Variants in RAB33A observed in about 807,000 individuals in gnomAD.
RAB33A encodes ras-related protein Rab-33A.
A neutral mutation model predicts 12.0 loss-of-function variants in RAB33A; 6 were observed. The observed-to-expected ratio is 0.50, with a 90% confidence interval of 0.27 to 0.99. RAB33A has a LOEUF of 0.99. Ranked by LOEUF, RAB33A falls within the 50% of genes least tolerant of loss-of-function variation. The pLI is 0.11. For synonymous variants in RAB33A, 70 were observed against 82.4 expected (o/e 0.85, Z 0.81); for missense variants, 109 against 192.0 (o/e 0.57, Z 2.55).
intron 1 of RAB33A, among the ~76,000 whole-genome samples, chrX:130,174,780 C>G (rs1377374890): frequency 9.0e-6 from 1 of 110,915 alleles, no homozygotes; most frequent in African/African-American, 3.3e-5. Flanking sequence ...GCCTGTGTCC[C>G]GGGGTAGCAC....
At chrX:130,157,953 CA>C in the RAB33A span, among the ~76,000 whole-genome samples, 177 of 46,120 alleles carry the variant, frequency 3.8e-3, 2 homozygotes, top group South Asian at 0.049. Context: ...GACTCCGTCT[CA>C]AAAAAAAAAA....
the RAB33A span, among the ~76,000 whole-genome samples, chrX:130,144,648 T>C: frequency 8.9e-6 from 1 of 111,851 alleles, no homozygotes; most frequent in Admixed American, 9.5e-5. Flanking sequence ...ATGTCATCAC[T>C]CTACTGGGCA....
chrX:130,154,128 C>T, the RAB33A span, among the ~76,000 whole-genome samples: 2 of 112,355 alleles, frequency 1.8e-5, no homozygotes, highest in South Asian at 7.2e-4. Context: ...AACCTGGAAC[C>T]ACTTTATAAT....
chrX:130,182,139 CAAAAA>C lies in RAB33A; in HGVS notation c.259-2131_259-2127del, dbSNP rs1188540923. On this transcript the variant is annotated intron_variant, in intron 1 of 1. Coordinates refer to ENST00000257017, the MANE Select transcript of RAB33A (RefSeq NM_004794.3). ...GCAACATAACAAGATTCTGTCTCTA[CAAAAA>C]AAAAAAAAAAAAAATATATATATAT... Among the ~76,000 whole-genome samples the C allele has an allele frequency of 7.2e-4, 22 of 30,498 alleles. No homozygotes were observed. The East Asian group carries it at 0.012, about 17-fold the overall frequency. The allele number at this position is 30,498 out of a possible 115,157, so 26.5% of individuals were successfully genotyped here.
chrX:130,149,713 C>A, the RAB33A span: 1 of 487,011 alleles, frequency 2.1e-6, no homozygotes, highest in Non-Finnish European at 3.5e-6. Context: ...AAGTTGTTTT[C>A]TTAAGAAATA....
chrX:130,131,868 T>C, the RAB33A span: 1 of 1,163,563 alleles, frequency 8.6e-7, no homozygotes, highest in Non-Finnish European at 1.2e-6. Flanking sequence ...ATATTCTCCA[T>C]GACACTGCAT....
At chrX:130,158,493 T>C in the RAB33A span, among the ~76,000 whole-genome samples, 1 of 110,078 alleles carries the variant, frequency 9.1e-6, no homozygotes, top group African/African-American at 3.3e-5. Context: ...TCAATAGATC[T>C]GGGATGGGGC....
the RAB33A span, among the ~76,000 whole-genome samples, chrX:130,135,581 T>C: frequency 9.0e-6 from 1 of 110,716 alleles, no homozygotes; most frequent in Non-Finnish European, 1.9e-5. Flanking sequence ...CTACATACTA[T>C]AGTCTTGTTT....
the RAB33A span, chrX:130,139,991 A>G: frequency 4.8e-6 from 3 of 619,480 alleles, no homozygotes; most frequent in South Asian, 2.3e-5. Flanking sequence ...CAACAACAGG[A>G]TAGGATACCA....
At chrX:130,139,138 C>T in the RAB33A span, among the ~76,000 whole-genome samples, 1 of 105,822 alleles carries the variant, frequency 9.4e-6, no homozygotes, top group Non-Finnish European at 1.9e-5. Flanking sequence ...ACAGCCTGGC[C>T]AACAGGGTAA....
the RAB33A span, among the ~76,000 whole-genome samples, chrX:130,144,583 C>A: frequency 9.0e-6 from 1 of 111,606 alleles, no homozygotes; most frequent in East Asian, 2.8e-4. Flanking sequence ...AATGCCTCTT[C>A]ATTCCATAAG....
At chrX:130,120,220 T>C in the RAB33A span, among the ~76,000 whole-genome samples, 3 of 110,375 alleles carry the variant, frequency 2.7e-5, no homozygotes, top group Non-Finnish European at 5.7e-5. Context: ...TTTTGTTTTG[T>C]TTTTTTGTTT....
the RAB33A span, among the ~76,000 whole-genome samples, chrX:130,115,561 C>T: frequency 9.2e-6 from 1 of 108,836 alleles, no homozygotes. Flanking sequence ...TGCAGTGAGC[C>T]GATATCACGC....
At chrX:130,129,466 A>C in the RAB33A span, 1 of 730,652 alleles carries the variant, frequency 1.4e-6, no homozygotes, top group East Asian at 3.2e-5. Context: ...ACTCATACAC[A>C]GAGAAAGTCT....
At chrX:130,179,483 TG>T (rs1030357959) in intron 1 of RAB33A, among the ~76,000 whole-genome samples, 4 of 106,504 alleles carry the variant, frequency 3.8e-5, no homozygotes, top group South Asian at 4.2e-4. Flanking sequence ...TCCTGGGGGG[TG>T]GGGGGAGTGG....
the RAB33A span, chrX:130,156,405 G>A: frequency 8.4e-7 from 1 of 1,196,608 alleles, no homozygotes; most frequent in South Asian, 1.8e-5. Context: ...ATACTATCGA[G>A]TCTATTAATG....
At chrX:130,173,953 T>C (rs193149983) in intron 1 of RAB33A, among the ~76,000 whole-genome samples, 34 of 111,948 alleles carry the variant, frequency 3.0e-4, no homozygotes, top group African/African-American at 1.1e-3. Context: ...TCCCTGGATT[T>C]AAAAGGTGGG....
upstream of RAB33A, among the ~76,000 whole-genome samples, chrX:130,169,673 A>G (rs2031584364): frequency 1.8e-5 from 2 of 112,653 alleles, no homozygotes; most frequent in Non-Finnish European, 3.7e-5. Context: ...ATTTTGAGAT[A>G]TCATATTTTC....
At chrX:130,151,963 CCT>C in the RAB33A span, among the ~76,000 whole-genome samples, 3 of 110,022 alleles carry the variant, frequency 2.7e-5, no homozygotes, top group African/African-American at 6.6e-5. Context: ...CACCTGAACC[CCT>C]GAGGTGGCGG....
Sources: allele counts gnomAD v4.1 joint callset (sites outside exome capture counted in the v4.1 genomes callset), GRCh38; gene constraint gnomAD v4.1.1; transcripts MANE v1.5; gene names NCBI Gene and HGNC (gene_info 2026-07-23, HGNC 2026-07-21).